The following ANXA6 variants were observed in gnomAD, a reference collection of about 807,000 sequenced individuals.
ANXA6 encodes annexin A6.
ANXA6 carries 71 observed loss-of-function variants against 95.4 expected under a neutral mutation model. The observed-to-expected ratio is 0.74, with a 90% CI of 0.61 to 0.91. The LOEUF (loss-of-function observed/expected upper bound fraction) is 0.91, where lower values mean the gene tolerates loss of function less well. Ranked by LOEUF, ANXA6 falls within the 40% of genes least tolerant of loss-of-function variation. The pLI, the probability that ANXA6 is intolerant of heterozygous loss-of-function variation, is 0.00. For synonymous variants in ANXA6, 289 were observed against 315.9 expected (o/e 0.91, Z 0.90); for missense variants, 830 against 876.4 (o/e 0.95, Z 0.67).
chr5:151,131,420 T>G, intron 10 of ANXA6, 131 bp from the exon 11 acceptor site: 2 of 901,784 alleles, frequency 2.2e-6, no homozygotes, highest in South Asian at 1.5e-5. Context: ...CCGTTCCTGA[T>G]AGCTCACAGC....
At position 151,137,275 on chromosome 5, in the gene ANXA6, C is replaced by T. The variant is rs767779941; in HGVS notation, c.365G>A (p.Arg122Gln). 5.6e-6 allele frequency: 9 copies of T among 1,613,450 alleles called. No homozygotes were observed. Among genetic ancestry groups the T allele is most frequent in the African/African-American group, 5.3e-5 (4 of 74,864 alleles). The change falls in exon 6 of 26, where the codon CGG becomes CAG. Residue 122 changes from arginine to glutamine, a missense_variant. Arg to Gln is a conservative substitution (Grantham distance 43). Transcript: ENST00000354546. ...CAGCTGGTGCATCTGCTCATTGGTCCGGGAAGCCAAGATCTCAATGAGGCA... is the reference window on the plus strand; with the variant it reads ...CAGCTGGTGCATCTGCTCATTGGTCTGGGAAGCCAAGATCTCAATGAGGCA... ...EKCLIEILAS[R>Q]TNEQMHQLVA... is the part of the protein sequence containing the mutation.
At chr5:151,133,760 A>G (rs2014795310) in intron 8 of ANXA6, among the ~76,000 whole-genome samples, 1 of 152,124 alleles carries the variant, frequency 6.6e-6, no homozygotes, top group Non-Finnish European at 1.5e-5. Flanking sequence ...TCAACCTTCA[A>G]GGCCCAGATT....
chr5:151,110,488 C>G (rs1764818934), intron 21 of ANXA6, 139 bp downstream of exon 21: 2 of 908,206 alleles, frequency 2.2e-6, no homozygotes, highest in South Asian at 3.3e-5. Context: ...TATCTTTTAC[C>G]AAGCAGGGCC....
chr5:151,117,294 A>C (rs944999890), intron 19 of ANXA6, 114 bp from the exon 20 acceptor site: 2 of 1,047,684 alleles, frequency 1.9e-6, no homozygotes, highest in Non-Finnish European at 2.7e-6. Context: ...CTCATCAGCT[A>C]CACAGGGACG....
intron 13 of ANXA6, among the ~76,000 whole-genome samples, chr5:151,127,799 G>T (rs781428410): frequency 2.0e-5 from 3 of 152,188 alleles, no homozygotes; most frequent in Admixed American, 6.5e-5. Flanking sequence ...CAAATATGCT[G>T]CATAAATGAG....
intron 5 of ANXA6, 31 bp from the exon 6 acceptor site, chr5:151,137,352 G>A (rs1165146905): frequency 6.4e-7 from 1 of 1,569,500 alleles, no homozygotes; most frequent in South Asian, 1.1e-5. Context: ...CATGAATTAA[G>A]GGCAGGGATG....
chr5:151,148,754 G>A (rs775295960), intron 1 of ANXA6, among the ~76,000 whole-genome samples: 3 of 152,146 alleles, frequency 2.0e-5, no homozygotes, highest in Non-Finnish European at 4.4e-5. Flanking sequence ...TCACGAGTGT[G>A]ACTGGGGCAC....
At chr5:151,122,543 C>G (rs573195675) in intron 16 of ANXA6, among the ~76,000 whole-genome samples, 1 of 152,296 alleles carries the variant, frequency 6.6e-6, no homozygotes, top group South Asian at 2.1e-4. Context: ...TCAACCTAAG[C>G]CAGATGCCAC....
chr5:151,130,950 A>G (rs1229653923), intron 11 of ANXA6, among the ~76,000 whole-genome samples: 1 of 152,176 alleles, frequency 6.6e-6, no homozygotes, highest in Non-Finnish European at 1.5e-5. Context: ...ATACTTCTTC[A>G]AAGTCCGAGC....
intron 14 of ANXA6, among the ~76,000 whole-genome samples, chr5:151,125,465 A>G (rs1291565983): frequency 1.3e-5 from 2 of 152,208 alleles, no homozygotes; most frequent in African/African-American, 4.8e-5. Context: ...TAAAAACAAA[A>G]GAGGTGATAT....
chr5:151,153,272 C>G (rs1009096047), intron 1 of ANXA6, among the ~76,000 whole-genome samples: 5 of 152,228 alleles, frequency 3.3e-5, no homozygotes, highest in African/African-American at 9.6e-5. Flanking sequence ...ACTAACAGAA[C>G]CTGGGGAATT....
intron 1 of ANXA6, among the ~76,000 whole-genome samples, chr5:151,152,457 T>C (rs1389066645): frequency 1.3e-5 from 2 of 152,212 alleles, no homozygotes; most frequent in African/African-American, 4.8e-5. Context: ...TTTCTCTGCC[T>C]CAGTTTCTTC....
intron 15 of ANXA6, 29 bp downstream of exon 15, chr5:151,124,257 C>T (rs749013305): frequency 8.7e-6 from 14 of 1,608,098 alleles, no homozygotes; most frequent in Non-Finnish European, 1.0e-5. Flanking sequence ...CCCTGGAGAC[C>T]AACCCTGCTC....
At position 151,138,933 on chromosome 5, in the gene ANXA6, C is replaced by T. The variant is rs114412209; in HGVS notation, c.205-142G>A. 4.3e-3 allele frequency: 2,834 copies of T among 657,774 alleles called. 53 individuals are homozygous for T. The African/African-American group carries it at 0.045, about 10-fold the overall frequency. The allele number at this position is 657,774 out of a possible 1,614,324, so 40.7% of individuals were successfully genotyped here. On this transcript the variant is annotated intron_variant, in intron 4 of 25. Coordinates refer to ENST00000354546, the MANE Select transcript of ANXA6 (RefSeq NM_001155.5). ...AAATCATCACCCTTGGAGGTATGTA[C>T]TGTTACCAACCCTAAGAGACAGGCT... is the stretch of plus-strand genomic sequence containing the variant.
At chr5:151,136,665 T>A (rs1765672081) in intron 6 of ANXA6, among the ~76,000 whole-genome samples, 1 of 152,186 alleles carries the variant, frequency 6.6e-6, no homozygotes, top group Non-Finnish European at 1.5e-5. Flanking sequence ...AAAACCCATA[T>A]CTGATCATCA....
Position 151,124,342 on chromosome 5 carries a change from T to A in ANXA6, c.1082A>T (p.Asn361Ile). The part of the protein sequence containing the change: ...VELKGTVRPA[N>I]DFNPDADAKA... The stretch of plus-strand genomic sequence containing the variant: ...GGCATCTGCGTCAGGGTTGAAGTCA[T>A]TGGCTGGGCGCACAGTTCCCTTCAG... Residue 361 changes from asparagine (N) to isoleucine (I), a missense_variant, in exon 15 of 26, where the codon AAT becomes ATT. Asn to Ile is a moderately radical substitution (Grantham distance 149). Transcript: ENST00000354546. The A allele has an allele frequency of 6.2e-7, 1 of 1,612,836 alleles. No individual in the cohort carries two copies. Among genetic ancestry groups the A allele is most frequent in the Non-Finnish European group, 8.5e-7 (1 of 1,179,470 alleles).
intron 6 of ANXA6, 84 bp downstream of exon 6, chr5:151,137,147 G>T: frequency 8.6e-7 from 1 of 1,159,884 alleles, no homozygotes. Flanking sequence ...GAAGGTAGAT[G>T]GCTAGAATCT....
At chr5:151,131,153 C>A in intron 11 of ANXA6, 78 bp downstream of exon 11, 1 of 1,496,778 alleles carries the variant, frequency 6.7e-7, no homozygotes, top group South Asian at 1.1e-5. Flanking sequence ...TCTCTTTGGC[C>A]ACTGGATCCC....
intron 7 of ANXA6, 66 bp from the exon 8 acceptor site, chr5:151,134,549 A>C: frequency 6.4e-7 from 1 of 1,553,464 alleles, no homozygotes; most frequent in Non-Finnish European, 8.9e-7. Flanking sequence ...CCTGGATGCC[A>C]GTGGTGGAGA....
Sources: allele counts gnomAD v4.1 joint callset (sites outside exome capture counted in the v4.1 genomes callset), GRCh38; gene constraint gnomAD v4.1.1; transcripts MANE v1.5; gene names NCBI Gene and HGNC (gene_info 2026-07-23, HGNC 2026-07-21).